RIMS2: variants seen among roughly 807,000 people sequenced by gnomAD.
RIMS2 encodes the protein regulating synaptic membrane exocytosis 2.
A neutral mutation model predicts 174.4 loss-of-function variants in RIMS2; 59 were observed. The ratio of observed to expected loss-of-function variants is 0.34; its 90% CI spans 0.27 to 0.42. RIMS2 has a LOEUF of 0.42. Ranked by LOEUF, RIMS2 falls within the 10% of genes least tolerant of loss-of-function variation. RIMS2 has a pLI of 1.00. For missense variants in RIMS2, 1,620 were observed against 1,666.3 expected, an observed-to-expected ratio of 0.97 and a Z score of 0.48; for synonymous variants, 606 against 572.5, an observed-to-expected ratio of 1.06 and a Z score of -0.84.
At chr8:104,126,494 A>G (rs1380206503) in intron 19 of RIMS2, among the ~76,000 whole-genome samples, 1 of 152,168 alleles carries the variant, frequency 6.6e-6, no homozygotes, top group Admixed American at 6.6e-5. Context: ...ATAGTACAGT[A>G]CTCAAGCAAA....
At chr8:103,578,167 G>A (rs2093375369) in intron 1 of RIMS2, among the ~76,000 whole-genome samples, 1 of 152,108 alleles carries the variant, frequency 6.6e-6, no homozygotes, top group South Asian at 2.1e-4. Context: ...AGTACCCCAA[G>A]GCACATAATC....
At chr8:104,218,606 CT>C (rs2099141705) in intron 19 of RIMS2, among the ~76,000 whole-genome samples, 1 of 151,952 alleles carries the variant, frequency 6.6e-6, no homozygotes, top group Non-Finnish European at 1.5e-5. Context: ...GCTTGTTTTC[CT>C]GTAACTAGAC....
intron 3 of RIMS2, among the ~76,000 whole-genome samples, chr8:103,827,660 C>CT (rs1437835000): frequency 6.6e-6 from 1 of 152,098 alleles, no homozygotes; most frequent in Non-Finnish European, 1.5e-5. Flanking sequence ...CATGGTGAAA[C>CT]TCTGTTTCTA....
intron 2 of RIMS2, among the ~76,000 whole-genome samples, chr8:103,709,193 G>T (rs2097270882): frequency 6.6e-6 from 1 of 151,720 alleles, no homozygotes. Context: ...CTTTAATTTG[G>T]GACTTAAGAT....
intron 14 of RIMS2, among the ~76,000 whole-genome samples, chr8:103,949,144 A>AAAAGGGAAAGGG (rs1226140523): frequency 8.7e-5 from 12 of 138,522 alleles, no homozygotes; most frequent in Middle Eastern, 3.5e-3. Flanking sequence ...AAAAAAAAAA[A>AAAAGGGAAAGGG]AAAGGGAAAG....
chr8:104,148,327 C>T (rs1308918775), intron 19 of RIMS2, among the ~76,000 whole-genome samples: 1 of 152,054 alleles, frequency 6.6e-6, no homozygotes, highest in Non-Finnish European at 1.5e-5. Context: ...AATGAACCCA[C>T]TGATTTTTCA....
chr8:103,886,589 A>G (rs2099203300), intron 4 of RIMS2, among the ~76,000 whole-genome samples: 1 of 151,908 alleles, frequency 6.6e-6, no homozygotes, highest in Non-Finnish European at 1.5e-5. Flanking sequence ...AACATCTGAA[A>G]AAGTCCTCAA....
At chr8:103,587,515 A>G (rs2094016474) in intron 1 of RIMS2, among the ~76,000 whole-genome samples, 2 of 152,036 alleles carry the variant, frequency 1.3e-5, no homozygotes, top group South Asian at 4.1e-4. Context: ...AAAAATCCTC[A>G]ACAAAATTCT....
intron 16 of RIMS2, among the ~76,000 whole-genome samples, chr8:103,986,899 T>A (rs1461188766): frequency 9.6e-5 from 14 of 145,132 alleles, no homozygotes; most frequent in East Asian, 2.0e-4. Flanking sequence ...AAAATAAAAT[T>A]AAAAAAAAAA....
exon 4 of RIMS2, chr8:103,885,738 A>T (rs1304643498): frequency 1.2e-6 from 2 of 1,612,900 alleles, no homozygotes; most frequent in Non-Finnish European, 1.7e-6. Context: ...GATCTGGAAG[A>T]TTCCAGGATT....
At chr8:103,599,382 T>A (rs1022347171) in intron 1 of RIMS2, among the ~76,000 whole-genome samples, 2 of 148,742 alleles carry the variant, frequency 1.3e-5, no homozygotes, top group African/African-American at 4.9e-5. Flanking sequence ...AGAGTTTGTA[T>A]TGTTTTTATT....
intron 2 of RIMS2, among the ~76,000 whole-genome samples, chr8:103,748,406 C>T (rs1591566828): frequency 2.0e-5 from 3 of 152,112 alleles, no homozygotes; most frequent in African/African-American, 7.2e-5. Context: ...ATCAATCCCA[C>T]CTCTGCACTC....
chr8:103,910,673 A>G, intron 5 of RIMS2, 144 bp downstream of exon 8: 1 of 516,708 alleles, frequency 1.9e-6, no homozygotes, highest in Non-Finnish European at 3.3e-6. Context: ...AAAGAAAAAC[A>G]AAACCAAACT....
At chr8:104,155,478 A>AT (rs1566732716) in intron 19 of RIMS2, among the ~76,000 whole-genome samples, 3 of 128,918 alleles carry the variant, frequency 2.3e-5, no homozygotes, top group Non-Finnish European at 3.1e-5. Context: ...CAGTGGCGCG[A>AT]TCTCGGCTCA....
intron 19 of RIMS2, among the ~76,000 whole-genome samples, chr8:104,171,108 T>C (rs2098829687): frequency 6.6e-6 from 1 of 152,156 alleles, no homozygotes; most frequent in Non-Finnish European, 1.5e-5. Context: ...GCCTGATGAC[T>C]ATGTGCCTTG....
At chr8:104,008,607 A>T (rs1434024332) in intron 17 of RIMS2, among the ~76,000 whole-genome samples, 1 of 151,810 alleles carries the variant, frequency 6.6e-6, no homozygotes, top group Non-Finnish European at 1.5e-5. Context: ...GCAATTTTCA[A>T]TAATGAATAT....
intron 2 of RIMS2, among the ~76,000 whole-genome samples, chr8:103,732,189 A>G (rs2097607649): frequency 6.6e-6 from 1 of 152,234 alleles, no homozygotes; most frequent in Non-Finnish European, 1.5e-5. Context: ...TGTGACTCTA[A>G]CAGACTCACC....
intron 1 of RIMS2, among the ~76,000 whole-genome samples, chr8:103,507,434 C>A (rs1824214636): frequency 6.6e-6 from 1 of 152,008 alleles, no homozygotes; most frequent in Admixed American, 6.6e-5. Flanking sequence ...TAATACAATG[C>A]CTTACACATA....
At chr8:104,242,518 T>A (rs765178862) in intron 19 of RIMS2, among the ~76,000 whole-genome samples, 2 of 152,178 alleles carry the variant, frequency 1.3e-5, no homozygotes, top group Non-Finnish European at 2.9e-5. Context: ...ATGGTTAAAT[T>A]TCTTTGATAT....
Sources: allele counts gnomAD v4.1 joint callset (sites outside exome capture counted in the v4.1 genomes callset), GRCh38; gene constraint gnomAD v4.1.1; transcripts MANE v1.5; gene names NCBI Gene and HGNC (gene_info 2026-07-23, HGNC 2026-07-21).